Variants in RAB38 observed in about 807,000 individuals in gnomAD.
RAB38 encodes the protein RAB38, member RAS oncogene family, also known as ras-related protein Rab-38.
Under a neutral mutation model 18.4 loss-of-function variants are expected in RAB38, and 15 were observed. The observed-to-expected ratio is 0.82, with a 90% CI of 0.55 to 1.26. RAB38 has a LOEUF of 1.26. Among genes scored for constraint, RAB38 ranks in the 50% most tolerant of loss-of-function variants. The pLI is 0.00. For synonymous variants in RAB38, 101 were observed against 104.4 expected, an observed-to-expected ratio of 0.97 and a Z score of 0.20; for missense variants, 294 against 267.4, an observed-to-expected ratio of 1.10 and a Z score of -0.69.
chr11:87,966,507 C>T, the RAB38 span, among the ~76,000 whole-genome samples: 3 of 152,082 alleles, frequency 2.0e-5, no homozygotes, highest in Non-Finnish European at 4.4e-5. Flanking sequence ...TTCTAAATTT[C>T]CAAGAAGGCA....
chr11:88,045,423 G>C, the RAB38 span, among the ~76,000 whole-genome samples: 1 of 152,288 alleles, frequency 6.6e-6, no homozygotes, highest in South Asian at 2.1e-4. Context: ...AACTGCGGCG[G>C]CCAGGCATTC....
At chr11:88,018,081 T>C in the RAB38 span, among the ~76,000 whole-genome samples, 1 of 152,076 alleles carries the variant, frequency 6.6e-6, no homozygotes, top group Non-Finnish European at 1.5e-5. Flanking sequence ...TGTGAGTCCA[T>C]TACACCTCTT....
intron 2 of RAB38, among the ~76,000 whole-genome samples, chr11:88,121,294 A>G (rs530778303): frequency 6.6e-6 from 1 of 152,354 alleles, no homozygotes; most frequent in South Asian, 2.1e-4. Context: ...TCTAAACAGT[A>G]ATATTACCAA....
the RAB38 span, among the ~76,000 whole-genome samples, chr11:88,091,804 T>C: frequency 2.0e-5 from 3 of 151,940 alleles, no homozygotes; most frequent in African/African-American, 7.2e-5. Flanking sequence ...TAATCTTTTA[T>C]TGAACAGTAC....
the RAB38 span, among the ~76,000 whole-genome samples, chr11:87,973,111 C>A: frequency 6.6e-6 from 1 of 152,064 alleles, no homozygotes; most frequent in South Asian, 2.1e-4. Flanking sequence ...AACTTCTTTT[C>A]TTTATAAATT....
the RAB38 span, among the ~76,000 whole-genome samples, chr11:87,806,076 A>G: frequency 6.6e-6 from 1 of 152,196 alleles, no homozygotes; most frequent in Admixed American, 6.5e-5. Flanking sequence ...TGATACATAA[A>G]ATTAGCCATC....
chr11:87,805,251 T>G, the RAB38 span, among the ~76,000 whole-genome samples: 2 of 152,146 alleles, frequency 1.3e-5, no homozygotes, highest in Non-Finnish European at 2.9e-5. Flanking sequence ...TGTTCTTACT[T>G]CCATCCATAT....
chr11:88,084,116 G>A, the RAB38 span, among the ~76,000 whole-genome samples: 1 of 151,932 alleles, frequency 6.6e-6, no homozygotes, highest in African/African-American at 2.4e-5. Context: ...GGAAGTATAC[G>A]GCAATGAATT....
At chr11:87,971,050 T>A in the RAB38 span, among the ~76,000 whole-genome samples, 1 of 152,044 alleles carries the variant, frequency 6.6e-6, no homozygotes, top group African/African-American at 2.4e-5. Flanking sequence ...TCATTTTACA[T>A]CTAGGGCCAC....
intron 2 of RAB38, among the ~76,000 whole-genome samples, chr11:88,137,254 C>G (rs1004472940): frequency 1.3e-5 from 2 of 152,000 alleles, no homozygotes; most frequent in Non-Finnish European, 2.9e-5. Flanking sequence ...ATCTTGCTCT[C>G]AAAATTTTTA....
At chr11:88,025,412 A>G in the RAB38 span, among the ~76,000 whole-genome samples, 1 of 152,106 alleles carries the variant, frequency 6.6e-6, no homozygotes, top group Non-Finnish European at 1.5e-5. Flanking sequence ...CGGGATTGCT[A>G]GGTCAAATGG....
chr11:87,905,329 T>C, the RAB38 span, among the ~76,000 whole-genome samples: 2 of 151,462 alleles, frequency 1.3e-5, no homozygotes, highest in Non-Finnish European at 3.0e-5. Flanking sequence ...CCTGGTTAGC[T>C]CTTTCCATCA....
chr11:87,905,405 G>A, the RAB38 span, among the ~76,000 whole-genome samples: 3 of 151,678 alleles, frequency 2.0e-5, 1 homozygote, highest in South Asian at 4.2e-4. Context: ...CTGTGTCTTT[G>A]CGTGTCTACT....
intron 1 of RAB38, among the ~76,000 whole-genome samples, chr11:88,152,988 T>C (rs1430463443): frequency 6.6e-6 from 1 of 152,246 alleles, no homozygotes; most frequent in East Asian, 1.9e-4. Flanking sequence ...AGTGTAGATG[T>C]GGCTCATGAT....
At chr11:88,024,181 G>A in the RAB38 span, among the ~76,000 whole-genome samples, 1 of 151,926 alleles carries the variant, frequency 6.6e-6, no homozygotes, top group African/African-American at 2.4e-5. Context: ...GAATATAAAG[G>A]AGCTCAAACC....
At chr11:87,843,944 C>T in the RAB38 span, among the ~76,000 whole-genome samples, 9 of 152,174 alleles carry the variant, frequency 5.9e-5, no homozygotes, top group African/African-American at 9.7e-5. Flanking sequence ...AAAAACTAGA[C>T]AATCCTGGAG....
At chr11:88,026,338 C>A in the RAB38 span, among the ~76,000 whole-genome samples, 6 of 151,548 alleles carry the variant, frequency 4.0e-5, no homozygotes, top group South Asian at 8.4e-4. Flanking sequence ...CCGAAGCTGG[C>A]GGATCACGAG....
the RAB38 span, among the ~76,000 whole-genome samples, chr11:88,037,471 G>A: frequency 6.6e-6 from 1 of 152,002 alleles, no homozygotes; most frequent in Admixed American, 6.6e-5. Context: ...CCCATTCTAA[G>A]TGTACAGTTT....
chr11:88,040,532 C>T, the RAB38 span, among the ~76,000 whole-genome samples: 1 of 152,136 alleles, frequency 6.6e-6, no homozygotes, highest in African/African-American at 2.4e-5. Context: ...ATGGTGAAAA[C>T]CCATCTCTAC....
Sources: allele counts gnomAD v4.1 joint callset (sites outside exome capture counted in the v4.1 genomes callset), GRCh38; gene constraint gnomAD v4.1.1; transcripts MANE v1.5; gene names NCBI Gene and HGNC (gene_info 2026-07-23, HGNC 2026-07-21).